The following LRP1B variants were observed in gnomAD, a reference collection of about 807,000 sequenced individuals.
LRP1B encodes low-density lipoprotein receptor-related protein 1B.
A neutral mutation model predicts 556.6 loss-of-function variants in LRP1B; 217 were observed. The ratio of observed to expected loss-of-function variants is 0.39; its 90% CI spans 0.35 to 0.44. The LOEUF (loss-of-function observed/expected upper bound fraction) is 0.44, where lower values mean the gene tolerates loss of function less well. Ranked by LOEUF, LRP1B falls within the 20% of genes least tolerant of loss-of-function variation. LRP1B has a pLI of 1.00. For synonymous variants in LRP1B, 2,047 were observed against 1,865.8 expected, an observed-to-expected ratio of 1.10 and a Z score of -2.50; for missense variants, 5,053 against 5,620.8, an observed-to-expected ratio of 0.90 and a Z score of 3.23.
intron 2 of LRP1B, among the ~76,000 whole-genome samples, chr2:141,714,140 G>C (rs968495871): frequency 3.3e-5 from 5 of 152,038 alleles, no homozygotes; most frequent in Non-Finnish European, 7.4e-5. Flanking sequence ...GTGGAAAGGG[G>C]GTTAAGAAGT....
intron 43 of LRP1B, among the ~76,000 whole-genome samples, chr2:140,556,948 T>C (rs960601979): frequency 5.9e-5 from 9 of 152,192 alleles, no homozygotes; most frequent in Admixed American, 5.9e-4. Flanking sequence ...TTCATAAATA[T>C]GTGTTGATGT....
chr2:141,320,658 G>A (rs1310663915), intron 3 of LRP1B, among the ~76,000 whole-genome samples: 1 of 152,070 alleles, frequency 6.6e-6, no homozygotes, highest in Admixed American at 6.6e-5. Flanking sequence ...GATATTTTAC[G>A]AGAATAGGTG....
At chr2:141,019,221 T>C (rs1697996904) in intron 12 of LRP1B, among the ~76,000 whole-genome samples, 2 of 152,072 alleles carry the variant, frequency 1.3e-5, no homozygotes, top group Admixed American at 6.6e-5. Flanking sequence ...AAATATTTCA[T>C]TCTAAAACAA....
At chr2:141,412,502 T>G (rs1466282044) in intron 3 of LRP1B, among the ~76,000 whole-genome samples, 5 of 152,224 alleles carry the variant, frequency 3.3e-5, no homozygotes, top group African/African-American at 9.6e-5. Flanking sequence ...GAGTGCTTCC[T>G]CTCAACTATA....
intron 1 of LRP1B, among the ~76,000 whole-genome samples, chr2:141,919,589 A>G (rs1167703429): frequency 6.6e-6 from 1 of 152,078 alleles, no homozygotes. Flanking sequence ...AACATCAGTC[A>G]TAGACAGATT....
At chr2:142,025,338 C>A (rs1213438172) in intron 1 of LRP1B, among the ~76,000 whole-genome samples, 1 of 152,176 alleles carries the variant, frequency 6.6e-6, no homozygotes, top group South Asian at 2.1e-4. Flanking sequence ...CTGTAAGACA[C>A]ACTTACCGAA....
chr2:141,325,747 T>G (rs1559006492), intron 3 of LRP1B, among the ~76,000 whole-genome samples: 1 of 152,118 alleles, frequency 6.6e-6, no homozygotes, highest in Non-Finnish European at 1.5e-5. Flanking sequence ...GGAATTGAGT[T>G]GGCCTTTAAG....
At chr2:140,919,519 G>C (rs867375185) in intron 21 of LRP1B, among the ~76,000 whole-genome samples, 3 of 151,954 alleles carry the variant, frequency 2.0e-5, no homozygotes, top group Non-Finnish European at 4.4e-5. Flanking sequence ...TTTCTTTCCA[G>C]GTTCTGATTT....
rs550420744 is a variant in LRP1B at position 141,520,577 on chromosome 2, C to A, written c.206-40044G>T. Among the ~76,000 whole-genome samples, 19 of 152,130 alleles carry A rather than the reference C, an allele frequency of 1.2e-4. No homozygotes were observed. In the South Asian group the frequency reaches 3.9e-3, roughly 32 times the overall value. On this transcript the variant is annotated intron_variant, in intron 2 of 90. Transcript: ENST00000389484. The stretch of plus-strand genomic sequence containing the variant: ...TTCCAGAAAGGATCTCAAGGCTATT[C>A]CCTTTCTGATCTCTGACTGACTGCC...
At chr2:141,670,471 A>G (rs1690624331) in intron 2 of LRP1B, among the ~76,000 whole-genome samples, 1 of 152,234 alleles carries the variant, frequency 6.6e-6, no homozygotes. Context: ...TGCCACAGAC[A>G]GGATCATTTT....
At chr2:141,125,258 T>C (rs1481924206) in intron 7 of LRP1B, among the ~76,000 whole-genome samples, 3 of 152,332 alleles carry the variant, frequency 2.0e-5, no homozygotes, top group South Asian at 2.1e-4. Flanking sequence ...TGTTGACCCC[T>C]TCAAACCAGC....
Position 140,550,636 on chromosome 2 carries a change from C to T in LRP1B, c.7195-8665G>A, listed in dbSNP as rs544979358. Among the ~76,000 whole-genome samples the T allele has an allele frequency of 8.7e-4, 133 of 152,260 alleles. 1 individual carries two copies. The highest frequency in any genetic ancestry group is 3.4e-3 in the Middle Eastern group (1 of 294). On this transcript the variant is annotated intron_variant, in intron 43 of 90. Coordinates refer to ENST00000389484, the MANE Select transcript of LRP1B (RefSeq NM_018557.3). ...ACACACACACACATGCAAACAAACA[C>T]GCACTGGAGGCTTGGAAAACTAATG...
chr2:141,835,939 T>C (rs538750279), intron 1 of LRP1B, among the ~76,000 whole-genome samples: 1 of 152,050 alleles, frequency 6.6e-6, no homozygotes, highest in Non-Finnish European at 1.5e-5. Context: ...AATGATTACA[T>C]TTTAAGGAAA....
intron 31 of LRP1B, among the ~76,000 whole-genome samples, chr2:140,823,480 C>A (rs1010120575): frequency 6.6e-6 from 1 of 152,048 alleles, no homozygotes; most frequent in Non-Finnish European, 1.5e-5. Context: ...GTGTAATGAT[C>A]ATGTATGCCA....
intron 1 of LRP1B, among the ~76,000 whole-genome samples, chr2:142,033,602 G>A (rs2105201235): frequency 6.6e-6 from 1 of 151,754 alleles, no homozygotes; most frequent in Middle Eastern, 3.4e-3. Flanking sequence ...CAACCTCACT[G>A]ATGCAGCATA....
chr2:141,818,495 T>G (rs1208601641), intron 1 of LRP1B, among the ~76,000 whole-genome samples: 3 of 151,760 alleles, frequency 2.0e-5, no homozygotes, highest in African/African-American at 7.3e-5. Context: ...CTCCTTAATA[T>G]TCTATTCACT....
chr2:141,851,962 G>A (rs1246191075), intron 1 of LRP1B, among the ~76,000 whole-genome samples: 21 of 151,666 alleles, frequency 1.4e-4, no homozygotes, highest in Non-Finnish European at 3.0e-5. Flanking sequence ...TTTTAAAGCG[G>A]TGGCCCAAAA....
At chr2:142,023,318 A>C (rs970129070) in intron 1 of LRP1B, among the ~76,000 whole-genome samples, 3 of 152,052 alleles carry the variant, frequency 2.0e-5, no homozygotes, top group South Asian at 4.1e-4. Context: ...ATATTTTCTC[A>C]TTTATTGGTA....
intron 1 of LRP1B, among the ~76,000 whole-genome samples, chr2:142,016,903 CAT>C (rs1195366427): frequency 4.0e-5 from 6 of 149,252 alleles, no homozygotes; most frequent in East Asian, 3.9e-4. Flanking sequence ...TATACACACA[CAT>C]ATATGTATAT....
Sources: gnomAD v4.1 joint callset for allele counts (sites outside exome capture counted in the v4.1 genomes callset) on GRCh38, gnomAD v4.1.1 for gene constraint, MANE v1.5 for transcripts, NCBI Gene and HGNC (gene_info 2026-07-23, HGNC 2026-07-21) for gene names.